The following NOL4L variants were observed in gnomAD, a reference collection of about 807,000 sequenced individuals.
The protein encoded by NOL4L is nucleolar protein 4 like.
Under a neutral mutation model 64.5 loss-of-function variants are expected in NOL4L, and 7 were observed. That is an observed-to-expected ratio of 0.11 (90% CI 0.06 to 0.20). The LOEUF is 0.20. Ranked by LOEUF, NOL4L falls within the 10% of genes least tolerant of loss-of-function variation. The pLI, the probability that NOL4L is intolerant of heterozygous loss-of-function variation, is 1.00. For missense variants in NOL4L, 680 were observed against 967.1 expected, an observed-to-expected ratio of 0.70 and a Z score of 3.94; for synonymous variants, 413 against 401.0, an observed-to-expected ratio of 1.03 and a Z score of -0.36.
chr20:32,559,902 G>A (rs1052459400), intron 1 of NOL4L, among the ~76,000 whole-genome samples: 18 of 152,210 alleles, frequency 1.2e-4, no homozygotes, highest in African/African-American at 4.3e-4. Flanking sequence ...CGGCCTCCCT[G>A]AGCCGCCAGC....
At chr20:32,470,008 T>C (rs1030576575) in intron 5 of NOL4L, among the ~76,000 whole-genome samples, 23 of 152,248 alleles carry the variant, frequency 1.5e-4, no homozygotes, top group Admixed American at 1.0e-3. Flanking sequence ...CGGCCTCATC[T>C]GAGAGGCGCA....
rs764484705 is a variant in NOL4L at position 32,446,593 on chromosome 20, AGTCC to A, written c.*999_*1002del. 1 of 153,078 alleles carries A rather than the reference AGTCC, an allele frequency of 6.5e-6. No individual in the cohort carries two copies. The highest frequency in any genetic ancestry group is 1.5e-5 in the Non-Finnish European group (1 of 68,702). 9.5% of individuals were successfully genotyped at this position (153,078 alleles called of 1,614,324 possible). Reference sequence around the variant, plus strand: ...TGCCAACCGGCTGCCATCTCCCAGCAGTCCGTCCTGTCAAGCAGCTGAGGGCCAG... The same window carrying A: ...TGCCAACCGGCTGCCATCTCCCAGCAGTCCTGTCAAGCAGCTGAGGGCCAG... On this transcript the variant is annotated 3_prime_UTR_variant, in exon 11 of 11. Transcript: ENST00000621426.
chr20:32,565,187 T>A (rs1340566610), intron 1 of NOL4L, among the ~76,000 whole-genome samples: 1 of 152,160 alleles, frequency 6.6e-6, no homozygotes, highest in African/African-American at 2.4e-5. Flanking sequence ...GAGGGAACAG[T>A]CTGGAGACCC....
At position 32,453,178 on chromosome 20, in the gene NOL4L, A is replaced by T; in HGVS notation, c.1497+126T>A. On this transcript the variant is annotated intron_variant, in intron 8 of 10. Coordinates refer to ENST00000621426, the MANE Select transcript of NOL4L (RefSeq NM_001256798.2). The surrounding 1 kb of genome is among the most constrained non-coding windows in gnomAD (Gnocchi z 5.6). ...TAGTTCCCTCATTTGCAAACCAGGG[A>T]TTATGGTACTTGCTTCCAGGGCTCC... 7.1e-7 allele frequency: 1 copy of T among 1,414,594 alleles called. No homozygotes were observed. The highest frequency in any genetic ancestry group is 9.6e-7 in the Non-Finnish European group (1 of 1,043,836). The allele number at this position is 1,414,594 out of a possible 1,614,324, so 87.6% of individuals were successfully genotyped here.
intron 2 of NOL4L, among the ~76,000 whole-genome samples, chr20:32,525,207 C>T: frequency 6.6e-6 from 1 of 152,236 alleles, no homozygotes; most frequent in East Asian, 1.9e-4. Context: ...AGCATGGAGG[C>T]CGCAGACCCC....
At chr20:32,525,116 A>G (rs899123243) in intron 2 of NOL4L, among the ~76,000 whole-genome samples, 8 of 152,256 alleles carry the variant, frequency 5.3e-5, no homozygotes, top group African/African-American at 1.9e-4. Flanking sequence ...GAAGCCAGGA[A>G]GTGCAGAGCA....
intron 4 of NOL4L, among the ~76,000 whole-genome samples, chr20:32,486,028 A>G (rs1812962577): frequency 1.3e-5 from 2 of 152,250 alleles, no homozygotes; most frequent in African/African-American, 4.8e-5. Context: ...CTCATTTACT[A>G]TCCCTGAGAT....
In NOL4L at chr20:32,510,019, G is replaced by A. The variant is rs1486808091; in HGVS notation, c.699+1328C>T. ...AATGCAGAGGCTGCACAGTGGTGCT[G>A]GGATTCTATAACCAACAACAAAAGC... On this transcript the variant is annotated intron_variant, in intron 4 of 10. Transcript: ENST00000621426. The A allele has an allele frequency of 6.2e-6, 7 of 1,122,272 alleles. No homozygotes were observed. In the Middle Eastern group the frequency reaches 1.2e-3, roughly 199 times the overall value. 69.5% of individuals were successfully genotyped at this position (1,122,272 alleles called of 1,614,324 possible).
intron 1 of NOL4L, among the ~76,000 whole-genome samples, chr20:32,579,959 T>C (rs1980363441): frequency 2.0e-5 from 3 of 152,206 alleles, no homozygotes; most frequent in South Asian, 4.1e-4. Context: ...GACTTTATGT[T>C]GTGCCAGTCC....
At chr20:32,572,200 T>A (rs552750434) in intron 1 of NOL4L, among the ~76,000 whole-genome samples, 227 of 152,344 alleles carry the variant, frequency 1.5e-3, no homozygotes, top group African/African-American at 4.6e-3. Flanking sequence ...TTTGTGCTCT[T>A]GGGCATCTTA....
chr20:32,529,048 C>T (rs1755333568), intron 1 of NOL4L, among the ~76,000 whole-genome samples: 1 of 152,224 alleles, frequency 6.6e-6, no homozygotes, highest in Non-Finnish European at 1.5e-5. Flanking sequence ...TACAACAGTG[C>T]CTGACACATA....
At chr20:32,568,795 G>T (rs1178483113) in intron 1 of NOL4L, among the ~76,000 whole-genome samples, 3 of 152,192 alleles carry the variant, frequency 2.0e-5, no homozygotes, top group Non-Finnish European at 4.4e-5. Context: ...AGGCTCCTGA[G>T]TCTCTCCGTC....
At chr20:32,563,585 G>C (rs1322032412) in intron 1 of NOL4L, among the ~76,000 whole-genome samples, 1 of 152,046 alleles carries the variant, frequency 6.6e-6, no homozygotes, top group African/African-American at 2.4e-5. Flanking sequence ...TCTCTCACCT[G>C]AGCCAGCCAG....
At chr20:32,556,867 G>C (rs778957918) in intron 1 of NOL4L, among the ~76,000 whole-genome samples, 62 of 152,188 alleles carry the variant, frequency 4.1e-4, no homozygotes, top group African/African-American at 1.1e-3. Context: ...ACAGTGCCTC[G>C]CCACACGGCC....
chr20:32,487,247 G>A (rs978117684), intron 4 of NOL4L, among the ~76,000 whole-genome samples: 14 of 152,088 alleles, frequency 9.2e-5, no homozygotes, highest in Admixed American at 3.3e-4. Context: ...CAGCCTGGGC[G>A]ACAGGAGCGA....
chr20:32,569,224 C>T (rs1463958256), intron 1 of NOL4L, among the ~76,000 whole-genome samples: 2 of 152,060 alleles, frequency 1.3e-5, no homozygotes, highest in African/African-American at 2.4e-5. Flanking sequence ...AGCTCAGTGA[C>T]GTCCAGGGGA....
At chr20:32,481,835 G>C (rs1411407365) in intron 4 of NOL4L, among the ~76,000 whole-genome samples, 1 of 152,136 alleles carries the variant, frequency 6.6e-6, no homozygotes, top group Non-Finnish European at 1.5e-5. Context: ...TCCAGAATCC[G>C]GCCTGTGTCA....
At chr20:32,497,623 T>A (rs1276363825) in intron 4 of NOL4L, among the ~76,000 whole-genome samples, 1 of 152,172 alleles carries the variant, frequency 6.6e-6, no homozygotes, top group Non-Finnish European at 1.5e-5. Context: ...ACGAATCCCT[T>A]CTGGGTCTTG....
intron 3 of NOL4L, among the ~76,000 whole-genome samples, chr20:32,518,415 C>T (rs1475143200): frequency 6.6e-6 from 1 of 152,224 alleles, no homozygotes; most frequent in Non-Finnish European, 1.5e-5. Flanking sequence ...CACTGCTGTG[C>T]TCCGCGTTGC....
Sources: allele counts gnomAD v4.1 joint callset (sites outside exome capture counted in the v4.1 genomes callset), GRCh38; gene constraint gnomAD v4.1.1; non-coding constraint Gnocchi (gnomAD v3.1); transcripts MANE v1.5; gene names NCBI Gene and HGNC (gene_info 2026-07-23, HGNC 2026-07-21).